ESRRG: variants seen among roughly 807,000 people sequenced by gnomAD.
ESRRG encodes the protein estrogen-related receptor gamma.
In ESRRG, 13 loss-of-function variants were observed where a neutral mutation model predicts 44.0. That is an observed-to-expected ratio of 0.30 (90% CI 0.19 to 0.47). The LOEUF (loss-of-function observed/expected upper bound fraction) is 0.47, where lower values mean the gene tolerates loss of function less well. Among genes scored for constraint, ESRRG ranks in the 20% least tolerant of loss-of-function variants. The pLI is 1.00. For synonymous variants in ESRRG, 215 were observed against 214.6 expected (o/e 1.00, Z -0.02); for missense variants, 395 against 580.6 (o/e 0.68, Z 3.29).
Position 216,511,547 on chromosome 1 carries a change from T to TCACACACACACACACACA in ESRRG, c.1133-4382_1133-4365dup, listed in dbSNP as rs79870471. On this transcript the variant is annotated intron_variant, in intron 6 of 6. Coordinates refer to ENST00000408911, the MANE Select transcript of ESRRG (RefSeq NM_001438.4). The stretch of plus-strand genomic sequence containing the variant: ...GGGTATTCCCAAAATATACATAAAT[T>TCACACACACACACACACA]CACACACACACACACACAGACAAAT... 5.9e-3 allele frequency among the ~76,000 whole-genome samples: 854 copies of TCACACACACACACACACA among 144,928 alleles called. 9 individuals carry two copies. The highest frequency in any genetic ancestry group is 0.016 in the African/African-American group (624 of 39,596).
intron 1 of ESRRG, among the ~76,000 whole-genome samples, chr1:217,051,132 G>A (rs934808434): frequency 2.0e-5 from 3 of 148,394 alleles, no homozygotes. Context: ...GTACTGGCCA[G>A]AAGGCTGAAG....
chr1:216,915,143 G>A (rs1343876375), intron 2 of ESRRG, among the ~76,000 whole-genome samples: 1 of 152,146 alleles, frequency 6.6e-6, no homozygotes, highest in Admixed American at 6.6e-5. Context: ...TGGTGTGACT[G>A]CCAGAGATTG....
chr1:216,780,003 C>T (rs2093869030), intron 2 of ESRRG, among the ~76,000 whole-genome samples: 1 of 151,698 alleles, frequency 6.6e-6, no homozygotes, highest in African/African-American at 2.4e-5. Context: ...GTTTCTTCTG[C>T]CTTGTCTTCT....
At chr1:217,059,616 T>C (rs2087914979) in intron 1 of ESRRG, among the ~76,000 whole-genome samples, 1 of 152,068 alleles carries the variant, frequency 6.6e-6, no homozygotes, top group Non-Finnish European at 1.5e-5. Context: ...CTGGCTAACG[T>C]GGAACTGTTT....
At chr1:216,708,536 A>G (rs994110372) in intron 1 of ESRRG, among the ~76,000 whole-genome samples, 1 of 152,158 alleles carries the variant, frequency 6.6e-6, no homozygotes, top group Admixed American at 6.5e-5. Flanking sequence ...GCCAGCTACA[A>G]TGGTGAGCAT....
At position 216,514,246 on chromosome 1, in the gene ESRRG, A is replaced by T. The variant is rs572297277; in HGVS notation, c.1132+4906T>A. On this transcript the variant is annotated intron_variant, in intron 6 of 6. Transcript: ENST00000408911. The stretch of plus-strand genomic sequence containing the variant: ...AAAAAACTCACTTCCAAAATATCTT[A>T]TTCTAAATAGAATTAAAATAATCCA... 5.9e-5 allele frequency among the ~76,000 whole-genome samples: 9 copies of T among 152,268 alleles called. No individual in the cohort carries two copies. The South Asian group carries it at 1.9e-3, about 32-fold the overall frequency.
intron 1 of ESRRG, among the ~76,000 whole-genome samples, chr1:216,978,647 C>G (rs2073394869): frequency 6.6e-6 from 1 of 152,134 alleles, no homozygotes; most frequent in Non-Finnish European, 1.5e-5. Context: ...ATACTGTGTG[C>G]AGTGCTTCTG....
At chr1:216,591,087 G>C (rs1249826389) in intron 3 of ESRRG, among the ~76,000 whole-genome samples, 2 of 152,018 alleles carry the variant, frequency 1.3e-5, no homozygotes, top group Non-Finnish European at 2.9e-5. Context: ...CTAAAGAATT[G>C]ACTCTTGGCA....
intron 2 of ESRRG, among the ~76,000 whole-genome samples, chr1:216,887,310 T>C (rs1423421168): frequency 2.0e-5 from 3 of 152,198 alleles, no homozygotes; most frequent in African/African-American, 4.8e-5. Flanking sequence ...CCAAATTATA[T>C]ATATTACATT....
upstream of ESRRG, among the ~76,000 whole-genome samples, chr1:217,091,089 A>G (rs1251354221): frequency 1.3e-5 from 2 of 152,208 alleles, no homozygotes; most frequent in Non-Finnish European, 2.9e-5. Flanking sequence ...CATATTCCTG[A>G]TAAATAAGTA....
At chr1:216,651,131 TC>T (rs751526593) in intron 2 of ESRRG, 42 bp from the exon 3 acceptor site, 2 of 1,281,920 alleles carry the variant, frequency 1.6e-6, no homozygotes, top group Non-Finnish European at 2.3e-6. Flanking sequence ...ATTTACAAGA[TC>T]CAGGAAACAT....
intron 1 of ESRRG, among the ~76,000 whole-genome samples, chr1:217,039,582 C>T (rs977884402): frequency 2.6e-5 from 4 of 152,130 alleles, no homozygotes; most frequent in Admixed American, 1.3e-4. Flanking sequence ...GAAAGACCTG[C>T]CCCCATGATT....
chr1:216,799,811 C>T (rs561776992), intron 2 of ESRRG, among the ~76,000 whole-genome samples: 1 of 152,234 alleles, frequency 6.6e-6, no homozygotes, highest in South Asian at 2.1e-4. Context: ...CAGAAACATT[C>T]CAGGCACTTC....
intron 2 of ESRRG, among the ~76,000 whole-genome samples, chr1:216,783,843 A>G (rs1450680607): frequency 6.6e-6 from 1 of 152,056 alleles, no homozygotes; most frequent in Non-Finnish European, 1.5e-5. Context: ...TCAGTCTGAA[A>G]TATTTCCCAT....
Position 217,119,005 on chromosome 1 carries a change from G to GGATA in ESRRG, c.-230+18658_-230+18661dup, listed in dbSNP as rs55952668. ...GAGACCCTATCTCTAGAAACTAGAT[G>GGATA]GATAGATAGATAGATAGATAGATAG... On this transcript the variant is annotated intron_variant, in intron 1 of 8. Transcript: ENST00000366940. Among the ~76,000 whole-genome samples the GGATA allele has an allele frequency of 9.0e-3, 1,232 of 137,468 alleles. 3 individuals are homozygous for GGATA. Among genetic ancestry groups the GGATA allele is most frequent in the Middle Eastern group, 0.014 (4 of 278 alleles). 90.2% of individuals were successfully genotyped at this position (137,468 alleles called of 152,430 possible).
At chr1:217,117,557 C>A (rs146650749) in intron 1 of ESRRG, among the ~76,000 whole-genome samples, 2,624 of 152,074 alleles carry the variant, frequency 0.017, 73 homozygotes, top group African/African-American at 0.052. Context: ...TGCATTCCAG[C>A]CTGGATGACA....
chr1:216,730,319 A>G (rs1026104604), intron 2 of ESRRG, among the ~76,000 whole-genome samples: 9 of 151,344 alleles, frequency 5.9e-5, no homozygotes, highest in African/African-American at 1.7e-4. Flanking sequence ...AAAAAAAAAA[A>G]AAAGAAAGAA....
upstream of ESRRG, among the ~76,000 whole-genome samples, chr1:216,727,606 C>A (rs543784504): frequency 6.6e-6 from 1 of 152,156 alleles, no homozygotes; most frequent in Admixed American, 6.5e-5. Flanking sequence ...ACCACCAGCC[C>A]TCTATCAATT....
At chr1:216,640,780 T>C (rs960627985) in intron 3 of ESRRG, among the ~76,000 whole-genome samples, 4 of 152,158 alleles carry the variant, frequency 2.6e-5, no homozygotes, top group Admixed American at 2.0e-4. Context: ...TCAGGCACAA[T>C]GTCATCATCA....
Sources: gnomAD v4.1 joint callset for allele counts (sites outside exome capture counted in the v4.1 genomes callset) on GRCh38, gnomAD v4.1.1 for gene constraint, MANE v1.5 for transcripts, NCBI Gene and HGNC (gene_info 2026-07-23, HGNC 2026-07-21) for gene names.